Variants in SH3BP5 observed in about 807,000 individuals in gnomAD.
SH3BP5 encodes the protein SH3 domain binding protein 5.
A neutral mutation model predicts 43.3 loss-of-function variants in SH3BP5; 22 were observed. The observed-to-expected ratio is 0.51, with a 90% CI of 0.36 to 0.73. SH3BP5 has a LOEUF of 0.73. SH3BP5 is among the 30% of genes least tolerant of loss of function. The pLI is 0.00. For synonymous variants in SH3BP5, 255 were observed against 225.8 expected (o/e 1.13, Z -1.16); for missense variants, 529 against 586.9 (o/e 0.90, Z 1.02).
At chr3:15,305,248 C>G (rs1404968081) in intron 2 of SH3BP5, among the ~76,000 whole-genome samples, 1 of 152,168 alleles carries the variant, frequency 6.6e-6, no homozygotes. Flanking sequence ...TGTCAAAGCT[C>G]AGGACTTTAA....
At chr3:15,286,144 C>T (rs181139684) in intron 3 of SH3BP5, among the ~76,000 whole-genome samples, 15 of 152,344 alleles carry the variant, frequency 9.8e-5, no homozygotes, top group African/African-American at 3.6e-4. Flanking sequence ...AGCATCAGAG[C>T]ACAAGGGCAT....
intron 3 of SH3BP5, among the ~76,000 whole-genome samples, chr3:15,301,835 C>T (rs889331071): frequency 2.0e-5 from 3 of 151,994 alleles, no homozygotes; most frequent in Non-Finnish European, 4.4e-5. Flanking sequence ...CCCCTAGAGC[C>T]ATCTCTGCCC....
intron 2 of SH3BP5, among the ~76,000 whole-genome samples, chr3:15,306,938 G>A (rs772760641): frequency 1.2e-4 from 18 of 152,166 alleles, no homozygotes; most frequent in Non-Finnish European, 2.6e-4. Context: ...CTCCCAAAGC[G>A]CTGGGATTAC....
intron 2 of SH3BP5, among the ~76,000 whole-genome samples, chr3:15,324,776 G>A (rs918143250): frequency 2.6e-5 from 4 of 151,608 alleles, no homozygotes; most frequent in Non-Finnish European, 5.9e-5. Context: ...GGGAGGGGCC[G>A]GGCAGCTTCC....
chr3:15,331,513 T>C (rs1698608808), intron 1 of SH3BP5, among the ~76,000 whole-genome samples: 1 of 152,198 alleles, frequency 6.6e-6, no homozygotes, highest in Non-Finnish European at 1.5e-5. Context: ...GAGGTGAAAC[T>C]GTCACTCCTA....
chr3:15,297,112 G>A (rs1472262240), intron 3 of SH3BP5, among the ~76,000 whole-genome samples: 2 of 152,080 alleles, frequency 1.3e-5, no homozygotes, highest in East Asian at 1.9e-4. Flanking sequence ...TGATATGCTC[G>A]ACCCATTTCA....
At chr3:15,259,080 G>C (rs1559423712) in intron 6 of SH3BP5, 30 bp from the exon 7 acceptor site, 1 of 1,547,102 alleles carries the variant, frequency 6.5e-7, no homozygotes, top group Non-Finnish European at 8.9e-7. Flanking sequence ...ACTAAGTGAA[G>C]ACTACCCTGC....
At chr3:15,275,006 G>C (rs779863182) in intron 3 of SH3BP5, among the ~76,000 whole-genome samples, 64 of 152,336 alleles carry the variant, frequency 4.2e-4, no homozygotes, top group Middle Eastern at 6.8e-3. Context: ...CAATTCGACA[G>C]GAGATTTGGG....
chr3:15,309,908 C>A (rs1030036520), intron 2 of SH3BP5, among the ~76,000 whole-genome samples: 7 of 93,664 alleles, frequency 7.5e-5, no homozygotes, highest in Non-Finnish European at 1.3e-4. Context: ...CCCGCTCCAC[C>A]CCCCCCCCAT....
In SH3BP5 at chr3:15,274,126, G is replaced by C. The variant is rs530836714; in HGVS notation, c.331-4249C>G. On this transcript the variant is annotated intron_variant, in intron 3 of 8. Transcript: ENST00000383791. ...CTGGGTGTGGTGGCAGAAGTCTATA[G>C]TCCCAGCTACTCGGGAGGCTGAGGC... 1.9e-4 allele frequency among the ~76,000 whole-genome samples: 29 copies of C among 152,048 alleles called. 1 individual carries two copies. In the South Asian group the frequency reaches 6.0e-3, roughly 32 times the overall value.
intron 2 of SH3BP5, among the ~76,000 whole-genome samples, chr3:15,318,199 T>C (rs1427213289): frequency 1.3e-5 from 2 of 152,148 alleles, no homozygotes; most frequent in South Asian, 4.1e-4. Context: ...TTTCACAAAA[T>C]AGTGGTTATT....
At position 15,289,329 on chromosome 3, in the gene SH3BP5, T is replaced by C. The variant is rs141148214; in HGVS notation, c.330+14774A>G. ...AAATGTGTTGTCTGGGACTCCCAAG[T>C]AGACTCTTTAAAATAGAAGGGACAT... On this transcript the variant is annotated intron_variant, in intron 3 of 8. Coordinates refer to ENST00000383791, the MANE Select transcript of SH3BP5 (RefSeq NM_004844.5). Among the ~76,000 whole-genome samples, 30 of 152,304 alleles carry C rather than the reference T, an allele frequency of 2.0e-4. No homozygotes were observed. In the East Asian group the frequency reaches 5.4e-3, roughly 27 times the overall value.
chr3:15,323,127 C>CAGATAAAT (rs1553620113), intron 2 of SH3BP5, among the ~76,000 whole-genome samples: 6 of 146,180 alleles, frequency 4.1e-5, no homozygotes, highest in African/African-American at 1.5e-4. Context: ...GACCCTGTCT[C>CAGATAAAT]AAATAAATAA....
rs1696208474 is a variant in SH3BP5, at chr3:15,256,587, CCT to C, written c.1150+264_1150+265del. The C allele has an allele frequency of 1.0e-5, 6 of 592,070 alleles. No homozygotes were observed. The East Asian group carries it at 1.7e-4, about 17-fold the overall frequency. The allele number at this position is 592,070 out of a possible 1,614,324, so 36.7% of individuals were successfully genotyped here. ...ATTCACTTTATTGCTGAGAAACAAA[CCT>C]CTCTACTATGTGCTTGCCAAGGAGA... On this transcript the variant is annotated intron_variant, in intron 8 of 8. Coordinates refer to ENST00000383791, the MANE Select transcript of SH3BP5 (RefSeq NM_004844.5).
Position 15,255,524 on chromosome 3 carries a change from T to A in SH3BP5, c.*562A>T, listed in dbSNP as rs1313818845. Reference sequence around the variant, plus strand: ...GGGTATCCCAGCATACACGCTTTTTTAAAAGCCCCCTCTGAACACCAGAGG... The same window carrying A: ...GGGTATCCCAGCATACACGCTTTTTAAAAAGCCCCCTCTGAACACCAGAGG... On this transcript the variant is annotated 3_prime_UTR_variant, in exon 9 of 9. Coordinates refer to ENST00000383791, the MANE Select transcript of SH3BP5 (RefSeq NM_004844.5). 1.3e-5 allele frequency: 2 copies of A among 152,598 alleles called. No homozygotes were observed. The highest frequency in any genetic ancestry group is 2.4e-5 in the African/African-American group (1 of 41,404). The allele number at this position is 152,598 out of a possible 1,614,324, so 9.5% of individuals were successfully genotyped here. A position where few individuals can be genotyped will look rare whatever the true frequency, so the allele number is the denominator to read the frequency against.
chr3:15,276,255 C>T (rs1292060217), intron 3 of SH3BP5, among the ~76,000 whole-genome samples: 1 of 152,106 alleles, frequency 6.6e-6, no homozygotes, highest in African/African-American at 2.4e-5. Flanking sequence ...AGAGCATCTG[C>T]ACATTTGCAT....
At chr3:15,320,642 C>CACACACACACACACACACA (rs1553619765) in intron 2 of SH3BP5, among the ~76,000 whole-genome samples, 3 of 25,766 alleles carry the variant, frequency 1.2e-4, no homozygotes, top group Non-Finnish European at 1.9e-4. Context: ...ACACACACAC[C>CACACACACACACACACACA]CCACTACGTT....
intron 2 of SH3BP5, among the ~76,000 whole-genome samples, chr3:15,316,192 T>G (rs1326484716): frequency 6.6e-6 from 1 of 151,890 alleles, no homozygotes; most frequent in Non-Finnish European, 1.5e-5. Flanking sequence ...CCAGTTATTT[T>G]GTAGAATGTT....
intron 2 of SH3BP5, among the ~76,000 whole-genome samples, chr3:15,318,904 A>T (rs1471618487): frequency 1.4e-5 from 2 of 141,302 alleles, no homozygotes; most frequent in Non-Finnish European, 3.1e-5. Flanking sequence ...GTTTCATAAC[A>T]TTGAAGTGTG....
Sources: gnomAD v4.1 joint callset for allele counts (sites outside exome capture counted in the v4.1 genomes callset) on GRCh38, gnomAD v4.1.1 for gene constraint, MANE v1.5 for transcripts, NCBI Gene and HGNC (gene_info 2026-07-23, HGNC 2026-07-21) for gene names.